KCNAB2: variants seen among roughly 807,000 people sequenced by gnomAD.
KCNAB2 encodes the protein voltage-gated potassium channel subunit beta-2.
Under a neutral mutation model 63.6 loss-of-function variants are expected in KCNAB2, and 29 were observed. The observed-to-expected ratio is 0.46, with a 90% confidence interval of 0.34 to 0.62. KCNAB2 has a LOEUF of 0.62. Ranked by LOEUF, KCNAB2 falls within the 20% of genes least tolerant of loss-of-function variation. The probability of loss-of-function intolerance (pLI) is 0.01; values close to 1 mark genes in which losing one functional copy is unlikely to be tolerated. For synonymous variants in KCNAB2, 222 were observed against 224.2 expected (o/e 0.99, Z 0.09); for missense variants, 359 against 563.9 (o/e 0.64, Z 3.68).
chr1:6,049,826 G>C (rs1404394863), intron 1 of KCNAB2, among the ~76,000 whole-genome samples: 1 of 152,244 alleles, frequency 6.6e-6, no homozygotes, highest in Non-Finnish European at 1.5e-5. Context: ...CATGAATGAA[G>C]GTCCCTGCAA....
At chr1:6,020,703 G>A (rs1658769360) in intron 1 of KCNAB2, among the ~76,000 whole-genome samples, 1 of 152,186 alleles carries the variant, frequency 6.6e-6, no homozygotes, top group South Asian at 2.1e-4. Flanking sequence ...GTCTCGCTCT[G>A]TCACCCAGGC....
In KCNAB2 at chr1:6,087,831, T is replaced by A. The variant is rs886631220; in HGVS notation, c.470+320T>A. On this transcript the variant is annotated intron_variant, in intron 7 of 15. Transcript: ENST00000378083. The surrounding 1 kb of genome is among the most constrained non-coding windows in gnomAD (Gnocchi z 6.4). ...CGCTTAACTTTCCTTTTTACTCACA[T>A]GGATTATTTTTTCCTGGTCACTATG... Among the ~76,000 whole-genome samples, 2 of 152,216 alleles carry A rather than the reference T, an allele frequency of 1.3e-5. No individual in the cohort carries two copies. Among genetic ancestry groups the A allele is most frequent in the African/African-American group, 4.8e-5 (2 of 41,456 alleles).
intron 1 of KCNAB2, among the ~76,000 whole-genome samples, chr1:5,998,874 G>A (rs1351936766): frequency 6.6e-6 from 1 of 152,220 alleles, no homozygotes; most frequent in Non-Finnish European, 1.5e-5. Context: ...CTAGGCGCAG[G>A]AGCCAGGACC....
upstream of KCNAB2, chr1:6,041,636 T>G (rs1570933858): frequency 1.7e-6 from 1 of 582,436 alleles, no homozygotes; most frequent in African/African-American, 1.9e-5. Context: ...GGCCACCGGG[T>G]GGCGCTGCTG....
intron 1 of KCNAB2, among the ~76,000 whole-genome samples, chr1:6,023,611 A>G (rs1337981065): frequency 6.6e-6 from 1 of 152,202 alleles, no homozygotes; most frequent in African/African-American, 2.4e-5. Flanking sequence ...AGAAGTATCT[A>G]TTCAAGTCCT....
At chr1:6,019,570 G>T (rs7539366) in intron 1 of KCNAB2, among the ~76,000 whole-genome samples, 73 of 152,016 alleles carry the variant, frequency 4.8e-4, no homozygotes, top group African/African-American at 1.7e-3. Flanking sequence ...GCTAATTAAG[G>T]CTCTGGAGTT....
At chr1:6,044,336 G>A (rs1660746354), upstream of KCNAB2, among the ~76,000 whole-genome samples, 1 of 152,192 alleles carries the variant, frequency 6.6e-6, no homozygotes, top group African/African-American at 2.4e-5. Flanking sequence ...AGCATTTGGG[G>A]TCCAAGGAAG....
upstream of KCNAB2, among the ~76,000 whole-genome samples, chr1:6,043,422 G>A (rs553301540): frequency 2.0e-3 from 311 of 152,236 alleles, no homozygotes; most frequent in Non-Finnish European, 3.3e-3. Flanking sequence ...CCCCCCCGCC[G>A]GGATCCCTGT....
chr1:5,994,797 A>C lies in KCNAB2; in HGVS notation c.-53+2009A>C, dbSNP rs571719076. Among the ~76,000 whole-genome samples the C allele has an allele frequency of 7.2e-5, 11 of 152,182 alleles. No individual in the cohort carries two copies. The highest frequency in any genetic ancestry group is 2.7e-4 in the African/African-American group (11 of 41,508). ...GGTGCCATGGGCTGGCCAGCTAGAGAAGGCTTCCTCGCTTTCATTTTTCAG... is the reference window on the plus strand; with the variant it reads ...GGTGCCATGGGCTGGCCAGCTAGAGCAGGCTTCCTCGCTTTCATTTTTCAG... On this transcript the variant is annotated intron_variant, in intron 1 of 16. Transcript: ENST00000341524. This position sits in a 1 kb window ranked among gnomAD's most constrained non-coding sequence, Gnocchi z 5.4.
At chr1:6,052,682 C>T (rs1254925245) in intron 2 of KCNAB2, among the ~76,000 whole-genome samples, 2 of 152,196 alleles carry the variant, frequency 1.3e-5, no homozygotes, top group African/African-American at 4.8e-5. Flanking sequence ...AAATTGACAG[C>T]TTTATCTTCT....
rs2100691059 is a variant in KCNAB2 at position 6,078,443 on chromosome 1, G to T, written c.301-3752G>T. Among the ~76,000 whole-genome samples the T allele has an allele frequency of 6.6e-6, 1 of 152,244 alleles. No individual in the cohort carries two copies. Among genetic ancestry groups the T allele is most frequent in the South Asian group, 2.1e-4 (1 of 4,814 alleles). On this transcript the variant is annotated intron_variant, in intron 4 of 15. Transcript: ENST00000378083. The surrounding 1 kb of genome is among the most constrained non-coding windows in gnomAD (Gnocchi z 4.2). ...AGAAGAAAGTAGAAAAAGGAGGGCAGGGGGGCGGGGGTCCTGACGACAGGG... is the reference window on the plus strand; with the variant it reads ...AGAAGAAAGTAGAAAAAGGAGGGCATGGGGGCGGGGGTCCTGACGACAGGG...
At chr1:6,010,845 C>T (rs546205773) in intron 1 of KCNAB2, among the ~76,000 whole-genome samples, 33 of 152,322 alleles carry the variant, frequency 2.2e-4, no homozygotes, top group African/African-American at 7.9e-4. Flanking sequence ...GCCATGAGGG[C>T]GCTCTTCCCC....
intron 1 of KCNAB2, among the ~76,000 whole-genome samples, chr1:5,998,594 G>A (rs916847481): frequency 3.3e-5 from 5 of 152,188 alleles, no homozygotes; most frequent in Admixed American, 3.3e-4. Flanking sequence ...AAGACAGACA[G>A]TAGGGAACCC....
Position 6,094,437 on chromosome 1 carries a change from G to T in KCNAB2, c.684G>T (p.Gly228=). ...CCATGACCCACGTCATCAACCAGGG[G>T]ATGGCCATGTACTGGGGCACGTCAC... ...VRAMTHVINQ[G]MAMYWGTSRW... Residue 228 remains glycine, a synonymous_variant, in exon 11 of 16, where the codon GGG becomes GGT. Transcript: ENST00000378083. 1 of 1,612,164 alleles carries T rather than the reference G, an allele frequency of 6.2e-7. No individual in the cohort carries two copies. Among genetic ancestry groups the T allele is most frequent in the Non-Finnish European group, 8.5e-7 (1 of 1,179,586 alleles).
upstream of KCNAB2, chr1:6,045,885 G>A (rs376733227): frequency 3.6e-5 from 35 of 985,282 alleles, no homozygotes; most frequent in Admixed American, 6.2e-5. This position sits in a 1 kb window ranked among gnomAD's most constrained non-coding sequence, Gnocchi z 4.8. Context: ...CCCACGCACC[G>A]GGAGTCAGCC....
At position 6,004,963 on chromosome 1, in the gene KCNAB2, T is replaced by TTA. The variant is rs1557920797; in HGVS notation, c.-53+12175_-53+12176insTA. On this transcript the variant is annotated intron_variant, in intron 1 of 16. Transcript: ENST00000341524. ...GGGTGGAGTGGGGGGATGTGGGAGC[T>TTA]GAGCTGAGGGATGAGGGTGCAGGCA... Among the ~76,000 whole-genome samples the TTA allele has an allele frequency of 2.9e-3, 390 of 133,692 alleles. 17 individuals carry two copies. The highest frequency in any genetic ancestry group is 8.1e-3 in the Middle Eastern group (2 of 248). 87.7% of individuals were successfully genotyped at this position (133,692 alleles called of 152,430 possible).
intron 2 of KCNAB2, among the ~76,000 whole-genome samples, chr1:6,061,111 G>A (rs924080488): frequency 2.6e-5 from 4 of 152,180 alleles, no homozygotes; most frequent in Non-Finnish European, 1.5e-5. Context: ...GGAAGCCTCC[G>A]CTACAGCAGG....
In KCNAB2 at chr1:6,071,553, G is replaced by C. The variant is rs1285099908; in HGVS notation, c.219-1202G>C. On this transcript the variant is annotated intron_variant, in intron 2 of 15. Transcript: ENST00000378083. The surrounding 1 kb of genome is among the most constrained non-coding windows in gnomAD (Gnocchi z 8.5). ...GGGGAACGTGAGCTGGCAGCCAACT[G>C]CCTGGGTGGGATCCAGCTCCTCCGC... is the stretch of plus-strand genomic sequence containing the variant. Among the ~76,000 whole-genome samples the C allele has an allele frequency of 6.6e-6, 1 of 152,210 alleles. No individual in the cohort carries two copies. The highest frequency in any genetic ancestry group is 6.5e-5 in the Admixed American group (1 of 15,286).
At chr1:6,017,408 G>C (rs1327581574) in intron 1 of KCNAB2, among the ~76,000 whole-genome samples, 2 of 11,608 alleles carry the variant, frequency 1.7e-4, no homozygotes, top group East Asian at 2.0e-3. Flanking sequence ...ATACCTGGCT[G>C]TGTGTGTGTG....
Sources: allele counts gnomAD v4.1 joint callset (sites outside exome capture counted in the v4.1 genomes callset), GRCh38; gene constraint gnomAD v4.1.1; non-coding constraint Gnocchi (gnomAD v3.1); transcripts MANE v1.5; gene names NCBI Gene and HGNC (gene_info 2026-07-23, HGNC 2026-07-21).